Variants in CD44 observed in about 807,000 individuals in gnomAD.
CD44 encodes the protein CD44 molecule (IN blood group), also known as CD44 antigen.
Under a neutral mutation model 88.8 loss-of-function variants are expected in CD44, and 49 were observed. The observed-to-expected ratio is 0.55, with a 90% CI of 0.44 to 0.70. CD44 has a LOEUF of 0.70. Among genes scored for constraint, CD44 ranks in the 30% least tolerant of loss-of-function variants. CD44 has a pLI of 0.00. For missense variants in CD44, 883 were observed against 913.8 expected, an observed-to-expected ratio of 0.97 and a Z score of 0.43; for synonymous variants, 325 against 312.3, an observed-to-expected ratio of 1.04 and a Z score of -0.43.
chr11:35,225,521 A>G (rs1279592982), intron 17 of CD44, among the ~76,000 whole-genome samples: 1 of 152,166 alleles, frequency 6.6e-6, no homozygotes. Flanking sequence ...TCAGAGTCAG[A>G]AGATCCAAGC....
At chr11:35,148,437 T>C (rs1859648589) in intron 1 of CD44, among the ~76,000 whole-genome samples, 1 of 152,232 alleles carries the variant, frequency 6.6e-6, no homozygotes, top group Non-Finnish European at 1.5e-5. Flanking sequence ...AAATCTCCTG[T>C]CAAGGAGTTT....
At chr11:35,208,267 C>A in intron 12 of CD44, 61 bp downstream of exon 12, 1 of 1,139,162 alleles carries the variant, frequency 8.8e-7, no homozygotes, top group Non-Finnish European at 1.3e-6. Flanking sequence ...CTCTTACTCG[C>A]TATTGGCCAA....
rs115589955 is a variant in CD44, at chr11:35,200,933, C to T, written c.923-149C>T. Reference sequence around the variant, plus strand: ...GCTGAATTAAGCTGAAGTCACCCTCCGCTTTCCCTCCATTTCCATGCAGCC... The same window carrying T: ...GCTGAATTAAGCTGAAGTCACCCTCTGCTTTCCCTCCATTTCCATGCAGCC... On this transcript the variant is annotated intron_variant, in intron 7 of 17. Transcript: ENST00000428726. 9.5e-4 allele frequency: 641 copies of T among 671,988 alleles called. 1 individual carries two copies. Among genetic ancestry groups the T allele is most frequent in the African/African-American group, 9.5e-3 (533 of 56,304 alleles). The allele number at this position is 671,988 out of a possible 1,614,324, so 41.6% of individuals were successfully genotyped here.
chr11:35,193,963 C>T (rs1049490636), intron 5 of CD44, among the ~76,000 whole-genome samples: 1 of 152,142 alleles, frequency 6.6e-6, no homozygotes, highest in African/African-American at 2.4e-5. Flanking sequence ...TTTGAAATGC[C>T]AGTTGTCATC....
At chr11:35,162,594 T>C (rs1241765874) in intron 1 of CD44, among the ~76,000 whole-genome samples, 1 of 152,210 alleles carries the variant, frequency 6.6e-6, no homozygotes, top group Non-Finnish European at 1.5e-5. Flanking sequence ...CATTTGAGAC[T>C]GGCATCCGTT....
chr11:35,157,295 T>C (rs914236528), intron 1 of CD44, among the ~76,000 whole-genome samples: 4 of 150,506 alleles, frequency 2.7e-5, no homozygotes, highest in African/African-American at 9.8e-5. Context: ...ACCTTGTCTA[T>C]CATCTATCCA....
At position 35,211,371 on chromosome 11, in the gene CD44, T is replaced by C. The variant is rs1284775263; in HGVS notation, c.1732T>C (p.Ser578Pro). ...AAGCAGGACCTTCATCCCAGTGACC[T>C]CAGCTAAGACTGGGTCCTTTGGAGT... The part of the protein sequence containing the change: ...KESRTFIPVT[S>P]AKTGSFGVTA... The change falls in exon 14 of 18, where the codon TCA becomes CCA. Residue 578 changes from serine to proline, a missense_variant. Ser to Pro is a moderately conservative substitution (Grantham distance 74). This residue lies in a region of CD44 where 631 missense variants were observed against 590.9 expected (regional missense o/e 1.07). Coordinates refer to ENST00000428726, the MANE Select transcript of CD44 (RefSeq NM_000610.4). The C allele has an allele frequency of 5.0e-6, 8 of 1,613,796 alleles. No homozygotes were observed. The highest frequency in any genetic ancestry group is 3.3e-4 in the Middle Eastern group (2 of 6,084).
chr11:35,155,423 GT>G (rs1941724873), intron 1 of CD44, among the ~76,000 whole-genome samples: 3 of 152,170 alleles, frequency 2.0e-5, no homozygotes, highest in Non-Finnish European at 4.4e-5. Context: ...GCAAAGCTAA[GT>G]TTTTGTGCCT....
chr11:35,229,060 G>C, intron 17 of CD44, 69 bp from the exon 18 acceptor site: 1 of 1,257,284 alleles, frequency 8.0e-7, no homozygotes, highest in Non-Finnish European at 1.1e-6. Flanking sequence ...ATGGTGCTCA[G>C]TAAGGATGAT....
Position 35,176,757 on chromosome 11 carries a change from C to A in CD44, c.233+17C>A, listed in dbSNP as rs374806320. On this transcript the variant is annotated intron_variant, in intron 2 of 17. Transcript: ENST00000428726. ...GACCTGCAGGTAAGAGACCAGCACC[C>A]GACCACTGGGGAAAGCTGGCGGCCT... 6.2e-7 allele frequency: 1 copy of A among 1,607,860 alleles called. No individual in the cohort carries two copies. Among genetic ancestry groups the A allele is most frequent in the Non-Finnish European group, 8.5e-7 (1 of 1,177,354 alleles).
At chr11:35,143,758 T>C (rs78937368) in intron 1 of CD44, among the ~76,000 whole-genome samples, 1 of 137,318 alleles carries the variant, frequency 7.3e-6, no homozygotes, top group Admixed American at 6.9e-5. Flanking sequence ...TGGCCACAGA[T>C]ATCAGAGATG....
rs191765915 is a variant in CD44, at chr11:35,191,725, A to G, written c.667+1660A>G. On this transcript the variant is annotated intron_variant, in intron 5 of 17. Coordinates refer to ENST00000428726, the MANE Select transcript of CD44 (RefSeq NM_000610.4). ...ACTATATGTAGTTAACATTCAAACC[A>G]CTAATAGCCTATATAAAATAGTATT... Among the ~76,000 whole-genome samples the G allele has an allele frequency of 4.0e-4, 61 of 152,348 alleles. No homozygotes were observed. The East Asian group carries it at 7.9e-3, about 20-fold the overall frequency.
chr11:35,151,799 A>T (rs1284330378), intron 1 of CD44, among the ~76,000 whole-genome samples: 1 of 152,244 alleles, frequency 6.6e-6, no homozygotes, highest in African/African-American at 2.4e-5. Flanking sequence ...ACAGTAAAAA[A>T]GCAGTCTCTT....
chr11:35,195,842 T>A (rs1443944371), intron 5 of CD44, among the ~76,000 whole-genome samples: 1 of 152,146 alleles, frequency 6.6e-6, no homozygotes, highest in Non-Finnish European at 1.5e-5. Context: ...AGACTCAAAA[T>A]GTCCTGTTCT....
rs1015650033 is a variant in CD44 at position 35,221,589 on chromosome 11, G to A, written c.1946-65G>A. 17 of 1,353,918 alleles carry A rather than the reference G, an allele frequency of 1.3e-5. No homozygotes were observed. In the Admixed American group the frequency reaches 2.7e-4, roughly 21 times the overall value. 83.9% of individuals were successfully genotyped at this position (1,353,918 alleles called of 1,614,324 possible). ...GTTTCAACTAGGTCAATTATAAAGT[G>A]CATTTTTGTTTTTACAAAGTGTGTC... On this transcript the variant is annotated intron_variant, in intron 16 of 17. Transcript: ENST00000428726.
intron 2 of CD44, among the ~76,000 whole-genome samples, chr11:35,179,681 G>A (rs1288572790): frequency 1.3e-5 from 2 of 152,182 alleles, no homozygotes; most frequent in Non-Finnish European, 2.9e-5. Context: ...ATGCTCAGGA[G>A]GCAGTGTGCT....
chr11:35,180,139 G>T, intron 2 of CD44, 135 bp from the exon 3 acceptor site: 1 of 735,162 alleles, frequency 1.4e-6, no homozygotes, highest in South Asian at 2.0e-5. Context: ...CAAATAACTC[G>T]GTTGTTGAAA....
intron 7 of CD44, chr11:35,198,505 C>T (rs537829693): frequency 2.5e-5 from 11 of 432,000 alleles, no homozygotes; most frequent in Non-Finnish European, 4.2e-5. Context: ...TACAGATTGT[C>T]TTTGAATGAT....
At chr11:35,210,542 GTTAT>G (rs1318102721) in intron 13 of CD44, 1 of 152,168 alleles carries the variant, frequency 6.6e-6, no homozygotes, top group Non-Finnish European at 1.5e-5. Context: ...TCAGGAGCAG[GTTAT>G]TTAATTTCCA....
Sources: allele counts gnomAD v4.1 joint callset (sites outside exome capture counted in the v4.1 genomes callset), GRCh38; gene constraint gnomAD v4.1.1; regional missense constraint gnomAD v4.1.1; transcripts MANE v1.5; gene names NCBI Gene and HGNC (gene_info 2026-07-23, HGNC 2026-07-21).